Variants in LDB3 observed in about 807,000 individuals in gnomAD.
LDB3 encodes the protein LIM domain-binding protein 3.
Under a neutral mutation model 69.0 loss-of-function variants are expected in LDB3, and 49 were observed. That is an observed-to-expected ratio of 0.71 (90% CI 0.56 to 0.90). The LOEUF (loss-of-function observed/expected upper bound fraction) is 0.90, where lower values mean the gene tolerates loss of function less well. Ranked by LOEUF, LDB3 falls within the 40% of genes least tolerant of loss-of-function variation. The probability of loss-of-function intolerance (pLI) is 0.00; values close to 1 mark genes in which losing one functional copy is unlikely to be tolerated. For synonymous variants in LDB3, 387 were observed against 396.2 expected, an observed-to-expected ratio of 0.98 and a Z score of 0.28; for missense variants, 928 against 974.1, an observed-to-expected ratio of 0.95 and a Z score of 0.63.
intron 13 of LDB3, among the ~76,000 whole-genome samples, chr10:86,732,114 G>A (rs1293220451): frequency 6.6e-6 from 1 of 150,946 alleles, no homozygotes; most frequent in Non-Finnish European, 1.5e-5. Context: ...CAAAGTGTAG[G>A]GATTACAGGC....
intron 2 of LDB3, among the ~76,000 whole-genome samples, chr10:86,670,140 G>A (rs1415396420): frequency 6.6e-6 from 1 of 152,144 alleles, no homozygotes; most frequent in Non-Finnish European, 1.5e-5. Context: ...CAGGAGGGGT[G>A]CTGGCCTGGC....
chr10:86,694,933 T>G (rs527666806), intron 7 of LDB3, among the ~76,000 whole-genome samples: 2 of 152,328 alleles, frequency 1.3e-5, no homozygotes, highest in Non-Finnish European at 2.9e-5. Flanking sequence ...GCCCATCTTG[T>G]TGGCTGAGAG....
chr10:86,723,455 A>AG (rs1234571039), intron 12 of LDB3, among the ~76,000 whole-genome samples: 1 of 152,092 alleles, frequency 6.6e-6, no homozygotes, highest in Non-Finnish European at 1.5e-5. Context: ...AGATTCTCTC[A>AG]GGTACAGAAA....
chr10:86,673,396 G>A (rs1471123485), intron 2 of LDB3, among the ~76,000 whole-genome samples: 2 of 152,214 alleles, frequency 1.3e-5, no homozygotes, highest in East Asian at 3.9e-4. Context: ...CAGCGGCAGT[G>A]GGGGCAGGAT....
rs1846878806 is a variant in LDB3 at position 86,716,471 on chromosome 10, C to T, written c.1376C>T (p.Pro459Leu). Residue 459 changes from proline to leucine, a missense_variant, in exon 10 of 14, where the codon CCA becomes CTA. Coordinates refer to ENST00000361373, the MANE Select transcript of LDB3 (RefSeq NM_007078.3). ...PVPTYTPSPA[P>L]AYTPSPAPNY... is the part of the protein sequence containing the mutation. Reference sequence around the variant, plus strand: ...CCCACCTACACTCCATCCCCAGCACCAGCCTATACCCCCTCACCTGCCCCC... The same window carrying T: ...CCCACCTACACTCCATCCCCAGCACTAGCCTATACCCCCTCACCTGCCCCC... 3 of 1,609,388 alleles carry T rather than the reference C, an allele frequency of 1.9e-6. No homozygotes were observed. The highest frequency in any genetic ancestry group is 2.7e-5 in the African/African-American group (2 of 73,584).
intron 2 of LDB3, among the ~76,000 whole-genome samples, chr10:86,669,938 C>A (rs1478486888): frequency 6.6e-6 from 1 of 152,202 alleles, no homozygotes; most frequent in Non-Finnish European, 1.5e-5. Flanking sequence ...AGGGGAAGCA[C>A]TGAAGTGGGC....
At chr10:86,671,372 C>G (rs1014897757) in intron 2 of LDB3, among the ~76,000 whole-genome samples, 2 of 152,166 alleles carry the variant, frequency 1.3e-5, no homozygotes, top group African/African-American at 2.4e-5. Flanking sequence ...CACCTGCAGG[C>G]TGGGTGGTGG....
rs953198544 is a variant in LDB3 at position 86,692,567 on chromosome 10, T to G, written c.892T>G (p.Ser298Ala). The G allele has an allele frequency of 1.1e-5, 17 of 1,614,026 alleles. No homozygotes were observed. Among genetic ancestry groups the G allele is most frequent in the Non-Finnish European group, 1.4e-5 (16 of 1,179,984 alleles). The change falls in exon 7 of 14, where the codon TCA becomes GCA. Residue 298 changes from serine (S) to alanine (A), a missense_variant. Physicochemically the swap from Ser to Ala is moderately conservative, Grantham distance 99. Coordinates refer to ENST00000361373, the MANE Select transcript of LDB3 (RefSeq NM_007078.3). ...QDPDEEALRRSSTPIEHAPVC... is the reference protein window; with the variant it reads ...QDPDEEALRRASTPIEHAPVC... ...CCCTGATGAAGAAGCTCTGCGAAGGTCAAGGTAAGTGCCTGGACTCAGGCT... is the reference window on the plus strand; with the variant it reads ...CCCTGATGAAGAAGCTCTGCGAAGGGCAAGGTAAGTGCCTGGACTCAGGCT...
chr10:86,723,939 T>C (rs572945808), intron 12 of LDB3, among the ~76,000 whole-genome samples: 1 of 152,268 alleles, frequency 6.6e-6, no homozygotes, highest in African/African-American at 2.4e-5. Context: ...AGGATGAACA[T>C]TGGAGTCCAT....
intron 9 of LDB3, among the ~76,000 whole-genome samples, chr10:86,713,646 A>G (rs1157501785): frequency 6.6e-6 from 1 of 152,188 alleles, no homozygotes; most frequent in Admixed American, 6.5e-5. Context: ...AGCTGCTCTG[A>G]AGTTGTGCTA....
chr10:86,706,554 T>C lies in LDB3; in HGVS notation c.920T>C (p.Val307Ala). The C allele has an allele frequency of 1.2e-6, 2 of 1,612,930 alleles. No homozygotes were observed. The highest frequency in any genetic ancestry group is 1.7e-6 in the Non-Finnish European group (2 of 1,179,966). ...AGCACCCCTATTGAGCATGCGCCGG[T>C]GTGCACCAGCCAGGCCACCACCCCG... ...RSSTPIEHAP[V>A]CTSQATTPLL... The change falls in exon 8 of 14, where the codon GTG becomes GCG. Residue 307 changes from valine (V) to alanine (A), a missense_variant. Val to Ala is a moderately conservative substitution (Grantham distance 64, BLOSUM62 0). Transcript: ENST00000361373.
At position 86,699,350 on chromosome 10, in the gene LDB3, C is replaced by T; in HGVS notation, c.896+6779C>T. 1 of 1,613,928 alleles carries T rather than the reference C, an allele frequency of 6.2e-7. No homozygotes were observed. The highest frequency in any genetic ancestry group is 8.5e-7 in the Non-Finnish European group (1 of 1,179,996). ...GCAACTGGCACCATGGCCTTTCAGC[C>T]CAAATCCTTAATGTTAAAAGCTAAA... On this transcript the variant is annotated intron_variant, in intron 7 of 13. Coordinates refer to ENST00000361373, the MANE Select transcript of LDB3 (RefSeq NM_007078.3). The surrounding 1 kb of genome is among the most constrained non-coding windows in gnomAD (Gnocchi z 4.9).
chr10:86,696,708 T>C (rs548881121), intron 7 of LDB3, among the ~76,000 whole-genome samples: 30 of 152,278 alleles, frequency 2.0e-4, no homozygotes, highest in African/African-American at 6.7e-4. Context: ...GTCTACGGGA[T>C]GGTCAGGACT....
intron 13 of LDB3, among the ~76,000 whole-genome samples, chr10:86,730,432 T>C (rs996433791): frequency 2.0e-4 from 18 of 91,126 alleles, no homozygotes; most frequent in African/African-American, 5.5e-4. Context: ...CCTACTGGCA[T>C]ATTGCCAACC....
chr10:86,684,789 C>G (rs936316072), intron 5 of LDB3, among the ~76,000 whole-genome samples: 19 of 152,222 alleles, frequency 1.2e-4, no homozygotes, highest in African/African-American at 4.6e-4. Context: ...AGCCCCCCAC[C>G]TTCCACACTG....
chr10:86,730,318 T>A lies in LDB3; in HGVS notation c.2095-2569T>A, dbSNP rs552396825. On this transcript the variant is annotated intron_variant, in intron 13 of 13. Coordinates refer to ENST00000361373, the MANE Select transcript of LDB3 (RefSeq NM_007078.3). ...CCACGTGCACTCCTCTTGATGTCAG[T>A]GTCCTGGAGATGGCTCCCAATTCTG... Among the ~76,000 whole-genome samples the A allele has an allele frequency of 3.9e-5, 6 of 152,326 alleles. No individual in the cohort carries two copies. The South Asian group carries it at 1.2e-3, about 32-fold the overall frequency.
In LDB3 at chr10:86,715,755, C is replaced by T. The variant is rs868833422; in HGVS notation, c.1232-572C>T. ...CTAATCAAACCAAGACGGAATTGCC[C>T]CCCAATACAAATCAAGCCAAGCTGT... On this transcript the variant is annotated intron_variant, in intron 9 of 13. Transcript: ENST00000361373. Among the ~76,000 whole-genome samples, 6 of 152,164 alleles carry T rather than the reference C, an allele frequency of 3.9e-5. 1 individual carries two copies. The highest frequency in any genetic ancestry group is 3.4e-3 in the Middle Eastern group (1 of 294).
intron 4 of LDB3, 71 bp downstream of exon 4, chr10:86,680,228 C>T: frequency 7.0e-7 from 1 of 1,432,286 alleles, no homozygotes; most frequent in Admixed American, 1.8e-5. Context: ...GCCAGCCTGC[C>T]TGGTCTTTGG....
At chr10:86,694,044 C>T (rs2132422947) in intron 7 of LDB3, among the ~76,000 whole-genome samples, 1 of 152,344 alleles carries the variant, frequency 6.6e-6, no homozygotes, top group South Asian at 2.1e-4. Context: ...GTTCTGCTTC[C>T]CTCCGATATG....
Sources: gnomAD v4.1 joint callset for allele counts (sites outside exome capture counted in the v4.1 genomes callset) on GRCh38, gnomAD v4.1.1 for gene constraint, Gnocchi (gnomAD v3.1) non-coding constraint, MANE v1.5 for transcripts, NCBI Gene and HGNC (gene_info 2026-07-23, HGNC 2026-07-21) for gene names.